HDX: variants seen among roughly 807,000 people sequenced by gnomAD.
HDX encodes highly divergent homeobox.
In HDX, 19 loss-of-function variants were observed where a neutral mutation model predicts 45.2. The ratio of observed to expected loss-of-function variants is 0.42; its 90% confidence interval spans 0.29 to 0.62. HDX has a LOEUF of 0.62. Ranked by LOEUF, HDX falls within the 20% of genes least tolerant of loss-of-function variation. The pLI, the probability that HDX is intolerant of heterozygous loss-of-function variation, is 0.20. For synonymous variants in HDX, 188 were observed against 172.8 expected, an observed-to-expected ratio of 1.09 and a Z score of -0.69; for missense variants, 532 against 493.9, an observed-to-expected ratio of 1.08 and a Z score of -0.73.
At chrX:84,365,365 A>T (rs895955177) in intron 5 of HDX, among the ~76,000 whole-genome samples, 4 of 111,506 alleles carry the variant, frequency 3.6e-5, no homozygotes, top group Admixed American at 2.9e-4. Flanking sequence ...GACACCCAAC[A>T]CTAGATAGAT....
intron 5 of HDX, among the ~76,000 whole-genome samples, chrX:84,413,203 T>G (rs1308425728): frequency 8.9e-6 from 1 of 112,183 alleles, no homozygotes; most frequent in Non-Finnish European, 1.9e-5. Flanking sequence ...ATTGAGGCAT[T>G]TTAGAACTAA....
At chrX:84,433,522 T>A (rs1221078684) in intron 5 of HDX, among the ~76,000 whole-genome samples, 1 of 111,417 alleles carries the variant, frequency 9.0e-6, no homozygotes, top group Admixed American at 9.6e-5. Context: ...TTATATGTTC[T>A]CTCCTCTGTT....
At chrX:84,437,282 A>G (rs1264869870) in intron 5 of HDX, among the ~76,000 whole-genome samples, 1 of 110,802 alleles carries the variant, frequency 9.0e-6, no homozygotes, top group Non-Finnish European at 1.9e-5. Context: ...TTTCCAGTCT[A>G]CTTTGGTCAC....
At chrX:84,351,047 CT>C (rs1419364664) in intron 6 of HDX, among the ~76,000 whole-genome samples, 1 of 106,923 alleles carries the variant, frequency 9.4e-6, no homozygotes, top group African/African-American at 3.5e-5. Flanking sequence ...ATCTATCTAT[CT>C]ATCTATCATC....
At chrX:84,490,903 C>T (rs1189958827) in intron 1 of HDX, among the ~76,000 whole-genome samples, 1 of 110,424 alleles carries the variant, frequency 9.1e-6, no homozygotes, top group African/African-American at 3.3e-5. Flanking sequence ...GAGATATATC[C>T]TACCATTGTC....
At chrX:84,486,585 T>C (rs7889939) in intron 2 of HDX, among the ~76,000 whole-genome samples, 42,852 of 109,880 alleles carry the variant, frequency 0.39, 7,271 homozygotes, top group African/African-American at 0.65. Flanking sequence ...AGAATGTCTT[T>C]ATTTCATCAT....
chrX:84,466,277 CAA>C (rs1180290928), intron 4 of HDX, among the ~76,000 whole-genome samples: 1 of 111,969 alleles, frequency 8.9e-6, no homozygotes, highest in Non-Finnish European at 1.9e-5. Flanking sequence ...AGGAAAAGTA[CAA>C]AGAGCCTTGC....
intron 4 of HDX, among the ~76,000 whole-genome samples, chrX:84,449,054 C>G (rs2039940230): frequency 9.4e-6 from 1 of 106,586 alleles, no homozygotes; most frequent in African/African-American, 3.4e-5. Context: ...TAGATCACAC[C>G]AAGCAGAAGA....
chrX:84,488,489 A>T (rs1270025667), intron 1 of HDX, among the ~76,000 whole-genome samples: 2 of 111,470 alleles, frequency 1.8e-5, no homozygotes, highest in African/African-American at 6.5e-5. Flanking sequence ...ATATACTTCT[A>T]GGCATTTTTT....
At chrX:84,344,173 G>T (rs753597003) in intron 7 of HDX, 77 bp downstream of exon 7, 2 of 775,529 alleles carry the variant, frequency 2.6e-6, no homozygotes, top group Non-Finnish European at 3.9e-6. Context: ...GACTTGAAAT[G>T]CAGTAAACTG....
At chrX:84,396,124 G>T (rs1363937799) in intron 5 of HDX, among the ~76,000 whole-genome samples, 2 of 111,767 alleles carry the variant, frequency 1.8e-5, no homozygotes, top group Middle Eastern at 4.7e-3. Context: ...ATATTTCTTT[G>T]CATTTTCACG....
chrX:84,390,772 A>G (rs766211141), intron 5 of HDX, among the ~76,000 whole-genome samples: 1 of 112,787 alleles, frequency 8.9e-6, no homozygotes, highest in Non-Finnish European at 1.9e-5. Context: ...GATTACTTAC[A>G]CATTCTGTGG....
chrX:84,498,060 A>C (rs1366122400), intron 1 of HDX, among the ~76,000 whole-genome samples: 1 of 111,791 alleles, frequency 8.9e-6, no homozygotes, highest in Non-Finnish European at 1.9e-5. Context: ...TGCCACCCTG[A>C]CAATAATAGC....
At chrX:84,328,898 A>G (rs2036780576) in intron 9 of HDX, among the ~76,000 whole-genome samples, 1 of 112,254 alleles carries the variant, frequency 8.9e-6, no homozygotes, top group Non-Finnish European at 1.9e-5. Flanking sequence ...ACTTGATTTT[A>G]TACATTTTAG....
intron 5 of HDX, among the ~76,000 whole-genome samples, chrX:84,414,234 C>T (rs776773107): frequency 9.0e-6 from 1 of 111,264 alleles, no homozygotes; most frequent in Admixed American, 9.6e-5. Flanking sequence ...TCAGATCTTC[C>T]CCTAGAGATT....
In HDX at chrX:84,318,155, T is replaced by C. The variant is rs2036534953; in HGVS notation, c.*3734A>G. On this transcript the variant is annotated 3_prime_UTR_variant, in exon 11 of 11. Transcript: ENST00000373177. The stretch of plus-strand genomic sequence containing the variant: ...CTCTTTTTTCCCCCTAGCAAATCTG[T>C]TCTTAATCAAAGTTTGTTTTCAGCA... 9.0e-6 allele frequency: 1 copy of C among 111,010 alleles called. No homozygotes were observed. The highest frequency in any genetic ancestry group is 1.9e-5 in the Non-Finnish European group (1 of 52,549). The allele number at this position is 111,010 out of a possible 1,213,427, so 9.1% of individuals were successfully genotyped here.
intron 5 of HDX, 65 bp downstream of exon 5, chrX:84,440,467 A>T (rs1260403747): frequency 3.9e-6 from 3 of 768,599 alleles, no homozygotes; most frequent in Non-Finnish European, 6.0e-6. Context: ...CAATTTTCTC[A>T]ATGGCATTTT....
chrX:84,459,973 C>T (rs1282461846), intron 4 of HDX, among the ~76,000 whole-genome samples: 1 of 111,219 alleles, frequency 9.0e-6, no homozygotes, highest in African/African-American at 3.3e-5. Flanking sequence ...ATACAACCTA[C>T]CAAAATTGAA....
chrX:84,344,281 T>C lies in HDX; in HGVS notation c.1629A>G (p.Val543=), dbSNP rs1341454281. The change falls in exon 7 of 11, where the codon GTA becomes GTG. Residue 543 remains valine, a synonymous_variant. Transcript: ENST00000373177. ...VGEDNDRNDE[V]SICLSEGSSQ... ...AGCTTCCTTCAGACAAACAGATGGA[T>C]ACTTCATCATTTCTGTCATTATCCT... 8.3e-7 allele frequency: 1 copy of C among 1,207,236 alleles called. No homozygotes were observed.
Sources: gnomAD v4.1 joint callset for allele counts (sites outside exome capture counted in the v4.1 genomes callset) on GRCh38, gnomAD v4.1.1 for gene constraint, MANE v1.5 for transcripts, NCBI Gene and HGNC (gene_info 2026-07-23, HGNC 2026-07-21) for gene names.